Variants in TLE1 observed in about 807,000 individuals in gnomAD.
TLE1 encodes the protein TLE family member 1, transcriptional corepressor.
TLE1 carries 21 observed loss-of-function variants against 89.8 expected under a neutral mutation model. The ratio of observed to expected loss-of-function variants is 0.23; its 90% CI spans 0.17 to 0.34. The LOEUF (loss-of-function observed/expected upper bound fraction) is 0.34, where lower values mean the gene tolerates loss of function less well. TLE1 is among the 10% of genes least tolerant of loss of function. TLE1 has a pLI of 1.00. For synonymous variants in TLE1, 447 were observed against 407.6 expected (o/e 1.10, Z -1.16); for missense variants, 795 against 1,031.2 (o/e 0.77, Z 3.14).
At chr9:81,670,756 G>A (rs1338909279) in intron 4 of TLE1, among the ~76,000 whole-genome samples, 9 of 151,500 alleles carry the variant, frequency 5.9e-5, no homozygotes, top group Non-Finnish European at 1.2e-4. Flanking sequence ...CTTTTTTTGG[G>A]TATTTGATCT....
At chr9:81,620,887 T>A (rs1825153912) in intron 8 of TLE1, 2 of 611,966 alleles carry the variant, frequency 3.3e-6, no homozygotes, top group Non-Finnish European at 5.8e-6. Context: ...CACTGCGACT[T>A]CCTGGTCAGG....
intron 4 of TLE1, among the ~76,000 whole-genome samples, chr9:81,678,667 T>C (rs1400340669): frequency 6.6e-6 from 1 of 150,944 alleles, no homozygotes; most frequent in African/African-American, 2.4e-5. Context: ...ACACAAAAAA[T>C]AGCTGAGTGT....
Position 81,611,804 on chromosome 9 carries a change from C to G in TLE1, c.1219G>C (p.Ala407Pro), listed in dbSNP as rs751293312. Reference sequence around the variant, plus strand: ...CGCCCGTAGGCCACCACGGCGGCCGCGGCGGCTGCGGCGCTCATCTGGGGC... The same window carrying G: ...CGCCCGTAGGCCACCACGGCGGCCGGGGCGGCTGCGGCGCTCATCTGGGGC... ...MSPQMSAAAA[A>P]AAVVAYGRSP... Residue 407 changes from alanine to proline, a missense_variant, in exon 13 of 20, where the codon GCG (alanine) becomes CCG (proline). This residue lies in a region of TLE1 where 468 missense variants were observed against 509.1 expected (regional missense o/e 0.92). Coordinates refer to ENST00000376499, the MANE Select transcript of TLE1 (RefSeq NM_005077.5). 2.6e-6 allele frequency: 4 copies of G among 1,547,398 alleles called. No homozygotes were observed. The South Asian group carries it at 4.9e-5, about 19-fold the overall frequency.
intron 15 of TLE1, 56 bp downstream of exon 15, chr9:81,592,969 C>T (rs1188997472): frequency 6.3e-7 from 1 of 1,577,784 alleles, no homozygotes; most frequent in South Asian, 1.2e-5. Flanking sequence ...ACAGCTATTT[C>T]CTTATTGAAT....
Position 81,593,182 on chromosome 9 carries a change from G to A in TLE1, c.1424C>T (p.Ala475Val). The A allele has an allele frequency of 6.2e-7, 1 of 1,614,192 alleles. No homozygotes were observed. The highest frequency in any genetic ancestry group is 8.5e-7 in the Non-Finnish European group (1 of 1,180,054). Reference protein sequence around the residue: ...ALIGPGIPRHARQINTLNHGE... With the variant: ...ALIGPGIPRHVRQINTLNHGE... ...GTGGTTGAGGGTGTTGATCTGGCGA[G>A]CATGCCGGGGGATTCCGGGTCCGAT... The change falls in exon 15 of 20, where the codon GCT becomes GTT. Residue 475 changes from alanine (A) to valine (V), a missense_variant. This residue lies in a region of TLE1 where 468 missense variants were observed against 509.1 expected (regional missense o/e 0.92). Transcript: ENST00000376499.
At position 81,611,912 on chromosome 9, in the gene TLE1, GAGC is replaced by G. The variant is rs751652477; in HGVS notation, c.1108_1110del (p.Ala370del). 2.0e-6 allele frequency: 3 copies of G among 1,523,918 alleles called. No individual in the cohort carries two copies. The Admixed American group carries it at 7.0e-5, about 36-fold the overall frequency. 94.4% of individuals were successfully genotyped at this position (1,523,918 alleles called of 1,614,324 possible). The stretch of plus-strand genomic sequence containing the variant: ...CCAGCGTGGGGGACCATCCCAAAAG[GAGC>G]AGGATATGGGCCGGGCACTGCCAGG... On this transcript the variant is annotated inframe_deletion, in exon 13 of 20. Transcript: ENST00000376499.
At chr9:81,633,267 G>A (rs1279773447) in intron 8 of TLE1, 81 bp downstream of exon 8, 1 of 1,601,448 alleles carries the variant, frequency 6.2e-7, no homozygotes, top group African/African-American at 1.3e-5. Context: ...CCTGTGTGGA[G>A]AAGTGTTGTC....
chr9:81,672,161 C>G (rs1241643002), intron 4 of TLE1, among the ~76,000 whole-genome samples: 1 of 152,140 alleles, frequency 6.6e-6, no homozygotes, highest in African/African-American at 2.4e-5. Context: ...TGTTTGAGAG[C>G]AGGTACTGGC....
At chr9:81,682,530 A>C (rs1833759987) in intron 4 of TLE1, among the ~76,000 whole-genome samples, 1 of 152,226 alleles carries the variant, frequency 6.6e-6, no homozygotes, top group South Asian at 2.1e-4. Flanking sequence ...AGATAACATG[A>C]GTGGGCTAAA....
intron 15 of TLE1, 25 bp downstream of exon 15, chr9:81,593,000 T>C (rs905908174): frequency 1.3e-6 from 2 of 1,598,408 alleles, no homozygotes; most frequent in Non-Finnish European, 8.6e-7. Flanking sequence ...AAATTGCCCT[T>C]GTGCACCAGT....
At chr9:81,669,620 C>A (rs1026254427) in intron 4 of TLE1, among the ~76,000 whole-genome samples, 1 of 151,876 alleles carries the variant, frequency 6.6e-6, no homozygotes, top group Non-Finnish European at 1.5e-5. Flanking sequence ...CCTCCCCCCC[C>A]ACACCAAAAG....
In TLE1 at chr9:81,593,152, T is replaced by A; in HGVS notation, c.1454A>T (p.Glu485Val). Residue 485 changes from glutamate (E) to valine (V), a missense_variant, in exon 15 of 20, where the codon GAG (glutamate) becomes GTG (valine). Coordinates refer to ENST00000376499, the MANE Select transcript of TLE1 (RefSeq NM_005077.5). ...ARQINTLNHG[E>V]VVCAVTISNP... The stretch of plus-strand genomic sequence containing the variant: ...GCTGATGGTCACAGCGCACACCACC[T>A]CCCCGTGGTTGAGGGTGTTGATCTG... 6.2e-7 allele frequency: 1 copy of A among 1,614,058 alleles called. No homozygotes were observed. The highest frequency in any genetic ancestry group is 8.5e-7 in the Non-Finnish European group (1 of 1,180,020).
chr9:81,656,691 T>C (rs1330790347), intron 4 of TLE1, among the ~76,000 whole-genome samples: 2 of 152,164 alleles, frequency 1.3e-5, no homozygotes, highest in Non-Finnish European at 2.9e-5. Flanking sequence ...TAATCAAACA[T>C]GTGTCAGGGA....
chr9:81,625,911 T>TAAAAAAAAAA (rs35467275), intron 8 of TLE1, among the ~76,000 whole-genome samples: 75 of 87,822 alleles, frequency 8.5e-4, no homozygotes, highest in African/African-American at 1.4e-3. Flanking sequence ...CAGAAACTAC[T>TAAAAAAAAAA]AAAAAAAAAA....
intron 14 of TLE1, among the ~76,000 whole-genome samples, chr9:81,597,590 C>T (rs1830400962): frequency 1.3e-5 from 2 of 152,164 alleles, no homozygotes; most frequent in African/African-American, 4.8e-5. Flanking sequence ...CAGCGAAGCC[C>T]ACCTGCATCT....
chr9:81,652,170 C>T lies in TLE1; in HGVS notation c.372+44G>A. 1.9e-6 allele frequency: 3 copies of T among 1,568,112 alleles called. No homozygotes were observed. In the East Asian group the frequency reaches 6.8e-5, roughly 35 times the overall value. On this transcript the variant is annotated intron_variant, in intron 6 of 19. Coordinates refer to ENST00000376499, the MANE Select transcript of TLE1 (RefSeq NM_005077.5). The stretch of plus-strand genomic sequence containing the variant: ...CCATCAAATTAATAAGAAATGAAAG[C>T]TGGTTATACACACTGTAGGAGGTAG...
intron 14 of TLE1, among the ~76,000 whole-genome samples, chr9:81,594,431 A>T (rs1364216488): frequency 6.6e-6 from 1 of 152,192 alleles, no homozygotes; most frequent in Non-Finnish European, 1.5e-5. Flanking sequence ...CTAACACAGG[A>T]ACAGAAAACC....
At chr9:81,675,752 G>A (rs1832824244) in intron 4 of TLE1, among the ~76,000 whole-genome samples, 1 of 140,708 alleles carries the variant, frequency 7.1e-6, no homozygotes, top group African/African-American at 2.8e-5. Context: ...CCAGGCTGGA[G>A]TGCAGTGGCA....
At chr9:81,620,709 A>C in intron 8 of TLE1, 152 bp from the exon 9 acceptor site, 1 of 1,448,860 alleles carries the variant, frequency 6.9e-7, no homozygotes, top group Non-Finnish European at 9.0e-7. Flanking sequence ...TTGATGGCAA[A>C]CATATCTACA....
Sources: allele counts gnomAD v4.1 joint callset (sites outside exome capture counted in the v4.1 genomes callset), GRCh38; gene constraint gnomAD v4.1.1; regional missense constraint gnomAD v4.1.1; transcripts MANE v1.5; gene names NCBI Gene and HGNC (gene_info 2026-07-23, HGNC 2026-07-21).